The following MAST4 variants were observed in gnomAD, a reference collection of about 807,000 sequenced individuals.
MAST4 encodes microtubule associated serine/threonine kinase family member 4, also known as microtubule-associated serine/threonine-protein kinase 4.
Under a neutral mutation model 162.7 loss-of-function variants are expected in MAST4, and 89 were observed. That is an observed-to-expected ratio of 0.55 (90% CI 0.46 to 0.65). The LOEUF is 0.65. Ranked by LOEUF, MAST4 falls within the 30% of genes least tolerant of loss-of-function variation. MAST4 has a pLI of 0.00. For synonymous variants in MAST4, 1,479 were observed against 1,361.1 expected (o/e 1.09, Z -1.91); for missense variants, 3,153 against 3,374.0 (o/e 0.93, Z 1.62).
intron 1 of MAST4, among the ~76,000 whole-genome samples, chr5:66,675,514 CTCAAGTCTCATGTA>C (rs145223490): frequency 0.025 from 3,747 of 152,256 alleles, 160 homozygotes; most frequent in African/African-American, 0.086. Context: ...AGTCTCATGT[CTCAAGTCTCATGTA>C]CAAGTCATAA....
rs367575904 is a variant in MAST4, at chr5:67,149,427, C to T, written c.3133C>T (p.Arg1045Ter). 6.2e-6 allele frequency: 10 copies of T among 1,613,260 alleles called. No individual in the cohort carries two copies. Among genetic ancestry groups the T allele is most frequent in the Non-Finnish European group, 8.5e-6 (10 of 1,179,700 alleles). ...AGAGCACTTGGATCAGATAAATGGA[C>T]GAAGCGAGTGTGTGGACAGTACAGA... ...FSEHLDQING[R>*]SECVDSTDNS... The change falls in exon 24 of 29, where the codon CGA becomes TGA. Residue 1045 changes from arginine to a stop codon, truncating the protein, a stop_gained. Coordinates refer to ENST00000403625, the MANE Select transcript of MAST4 (RefSeq NM_001164664.2). LOFTEE classifies it high-confidence loss of function.
intron 1 of MAST4, among the ~76,000 whole-genome samples, chr5:66,731,600 T>C (rs1751863250): frequency 1.3e-5 from 2 of 152,204 alleles, no homozygotes; most frequent in South Asian, 4.1e-4. Context: ...CTTCCAACTT[T>C]TTTTTGTTGT....
At chr5:66,610,052 C>T (rs1743191015) in intron 1 of MAST4, among the ~76,000 whole-genome samples, 1 of 151,794 alleles carries the variant, frequency 6.6e-6, no homozygotes, top group Admixed American at 6.6e-5. Flanking sequence ...CAGTTTTTGC[C>T]AAAGGGCAAA....
intron 5 of MAST4, among the ~76,000 whole-genome samples, chr5:67,061,712 T>A: frequency 6.6e-6 from 1 of 152,056 alleles, no homozygotes; most frequent in Middle Eastern, 3.2e-3. Flanking sequence ...CCCCTCCCTC[T>A]TTCTGCTTAA....
chr5:67,049,061 G>GTATA (rs139716277), intron 4 of MAST4, among the ~76,000 whole-genome samples: 10,873 of 75,734 alleles, frequency 0.14, 794 homozygotes, highest in South Asian at 0.22. Flanking sequence ...ATATATATAC[G>GTATA]TATATATATA....
chr5:66,984,515 T>C (rs1749243079), intron 4 of MAST4, among the ~76,000 whole-genome samples: 1 of 152,220 alleles, frequency 6.6e-6, no homozygotes, highest in Admixed American at 6.5e-5. Flanking sequence ...GTTTGTTACA[T>C]AGGTATACGT....
chr5:66,684,093 T>A (rs1748490389), intron 1 of MAST4, among the ~76,000 whole-genome samples: 1 of 152,170 alleles, frequency 6.6e-6, no homozygotes, highest in Non-Finnish European at 1.5e-5. Flanking sequence ...TTAAAAGACA[T>A]AGTAGAGTGA....
At chr5:66,746,139 A>C (rs1752744888) in intron 1 of MAST4, among the ~76,000 whole-genome samples, 1 of 152,204 alleles carries the variant, frequency 6.6e-6, no homozygotes, top group Admixed American at 6.5e-5. Context: ...TCCACTGCTT[A>C]ATGTTTTGTG....
At chr5:66,918,328 A>T (rs1169648096) in intron 4 of MAST4, among the ~76,000 whole-genome samples, 1 of 152,178 alleles carries the variant, frequency 6.6e-6, no homozygotes, top group East Asian at 1.9e-4. Flanking sequence ...AAGAACTATA[A>T]CTGAAGTGCA....
chr5:66,793,735 T>A (rs371547270), intron 3 of MAST4, among the ~76,000 whole-genome samples: 1 of 152,208 alleles, frequency 6.6e-6, no homozygotes, highest in African/African-American at 2.4e-5. Context: ...CCTCATCTTT[T>A]TTGTGTGAAG....
chr5:67,032,572 G>A (rs183793877), intron 4 of MAST4, among the ~76,000 whole-genome samples: 184 of 152,138 alleles, frequency 1.2e-3, no homozygotes, highest in Non-Finnish European at 8.5e-4. Flanking sequence ...TTTATTTTGG[G>A]GGAGGGCAGA....
At position 67,164,810 on chromosome 5, in the gene MAST4, GC is replaced by G; in HGVS notation, c.5637del (p.Ser1880AlafsTer59). ...CCTACCTGCTGGAGCCTTGGTTCCT[GC>G]CCCCCAGCCGAGGTCTCCAGAATTC... Reference protein sequence around the residue: ...KSYLLEPWFLPPSRGLQNSPA... With the variant: ...KSYLLEPWFLXPSRGLQNSPA... On this transcript the variant is annotated frameshift_variant, in exon 29 of 29. Transcript: ENST00000403625. LOFTEE classifies it low-confidence loss of function (END_TRUNC). This position sits in a 1 kb window ranked among gnomAD's most constrained non-coding sequence, Gnocchi z 5.3. The G allele has an allele frequency of 6.2e-7, 1 of 1,613,950 alleles. No homozygotes were observed. Among genetic ancestry groups the G allele is most frequent in the Non-Finnish European group, 8.5e-7 (1 of 1,179,880 alleles).
In MAST4 at chr5:67,043,231, C is replaced by G. The variant is rs80315842; in HGVS notation, c.675-11173C>G. The stretch of plus-strand genomic sequence containing the variant: ...AATATATTCACCAAATTAAATAGTT[C>G]TAGTGGTAGCAAGTTAAACTGAGAT... On this transcript the variant is annotated intron_variant, in intron 4 of 28. Coordinates refer to ENST00000403625, the MANE Select transcript of MAST4 (RefSeq NM_001164664.2). Among the ~76,000 whole-genome samples the G allele has an allele frequency of 3.0e-3, 459 of 152,230 alleles. 1 individual carries two copies. Among genetic ancestry groups the G allele is most frequent in the Non-Finnish European group, 4.8e-3 (327 of 68,024 alleles).
intron 4 of MAST4, among the ~76,000 whole-genome samples, chr5:66,955,981 TTTG>T (rs1285920068): frequency 1.7e-4 from 21 of 126,174 alleles, no homozygotes; most frequent in Admixed American, 8.4e-4. Flanking sequence ...GGTTTTTTTT[TTTG>T]TTTGTTTGTT....
At chr5:67,028,888 G>A (rs973546240) in intron 4 of MAST4, among the ~76,000 whole-genome samples, 1 of 152,076 alleles carries the variant, frequency 6.6e-6, no homozygotes, top group African/African-American at 2.4e-5. Context: ...CAGCACATTA[G>A]GAGGCCCAAG....
At chr5:67,082,244 G>T (rs1004298672) in intron 5 of MAST4, among the ~76,000 whole-genome samples, 3 of 151,644 alleles carry the variant, frequency 2.0e-5, no homozygotes, top group Admixed American at 6.6e-5. Context: ...TGCCCCCGGG[G>T]TGCAAGCGAT....
chr5:66,811,878 G>A (rs1430418507), intron 3 of MAST4, among the ~76,000 whole-genome samples: 5 of 152,192 alleles, frequency 3.3e-5, no homozygotes, highest in East Asian at 3.8e-4. Flanking sequence ...CAGTAGGGGT[G>A]GGTAGAGAAC....
chr5:66,676,869 A>G (rs1406230851), intron 1 of MAST4, among the ~76,000 whole-genome samples: 1 of 152,246 alleles, frequency 6.6e-6, no homozygotes, highest in Non-Finnish European at 1.5e-5. Flanking sequence ...TCTCTTTCAT[A>G]CTTTAAAAGA....
intron 6 of MAST4, chr5:67,094,011 A>G: frequency 4.2e-6 from 2 of 478,420 alleles, no homozygotes. Flanking sequence ...TTCTTCTTAA[A>G]TCATTAACAT....
Sources: allele counts gnomAD v4.1 joint callset (sites outside exome capture counted in the v4.1 genomes callset), GRCh38; gene constraint gnomAD v4.1.1; non-coding constraint Gnocchi (gnomAD v3.1); transcripts MANE v1.5; gene names NCBI Gene and HGNC (gene_info 2026-07-23, HGNC 2026-07-21).